The following SKIC3 variants were observed in gnomAD, a reference collection of about 807,000 sequenced individuals.
SKIC3 encodes the protein superkiller complex protein 3.
the SKIC3 span, among the ~76,000 whole-genome samples, chr5:95,479,036 A>G: frequency 3.3e-5 from 5 of 152,160 alleles, no homozygotes; most frequent in African/African-American, 9.7e-5. Flanking sequence ...AAACAAATCA[A>G]CAAAAAACCT....
chr5:95,466,100 G>A, the SKIC3 span, among the ~76,000 whole-genome samples: 1 of 152,228 alleles, frequency 6.6e-6, no homozygotes, highest in African/African-American at 2.4e-5. Context: ...TACTGAAAAA[G>A]CTTTTCAGTG....
the SKIC3 span, chr5:95,514,823 G>C: frequency 6.2e-7 from 1 of 1,601,226 alleles, no homozygotes. Context: ...ATATCAACAA[G>C]CTTATTAGTA....
chr5:95,498,568 GT>G, the SKIC3 span: 57 of 1,613,750 alleles, frequency 3.5e-5, no homozygotes, highest in Non-Finnish European at 4.7e-5. Context: ...AAGGCTTTCT[GT>G]GGTTGGTTCC....
the SKIC3 span, chr5:95,537,017 A>T: frequency 3.7e-6 from 6 of 1,606,450 alleles, no homozygotes; most frequent in Non-Finnish European, 5.1e-6. Flanking sequence ...TACAAGTCAC[A>T]TTAGAGATTT....
the SKIC3 span, among the ~76,000 whole-genome samples, chr5:95,510,683 C>T: frequency 6.6e-6 from 1 of 152,198 alleles, no homozygotes; most frequent in Non-Finnish European, 1.5e-5. Flanking sequence ...ACTGCCTGCC[C>T]ACCACCATCC....
chr5:95,549,687 G>C, the SKIC3 span, among the ~76,000 whole-genome samples: 1 of 151,734 alleles, frequency 6.6e-6, no homozygotes, highest in African/African-American at 2.4e-5. Context: ...AGTTTAATTT[G>C]TAAAAAGACA....
At chr5:95,464,773 A>C in the SKIC3 span, 1 of 981,796 alleles carries the variant, frequency 1.0e-6, no homozygotes, top group Non-Finnish European at 1.6e-6. Flanking sequence ...CAAGGGCGGC[A>C]GTCTTGAAAA....
chr5:95,469,019 C>T, the SKIC3 span, among the ~76,000 whole-genome samples: 1 of 152,116 alleles, frequency 6.6e-6, no homozygotes, highest in African/African-American at 2.4e-5. Flanking sequence ...TTCCACCATC[C>T]CTATTTTGTG....
At chr5:95,540,651 A>G in the SKIC3 span, 1 of 1,611,906 alleles carries the variant, frequency 6.2e-7, no homozygotes, top group Admixed American at 1.7e-5. Context: ...TAAATGATCA[A>G]TTTTCATGAA....
chr5:95,539,503 G>A, the SKIC3 span, among the ~76,000 whole-genome samples: 1 of 152,156 alleles, frequency 6.6e-6, no homozygotes, highest in Non-Finnish European at 1.5e-5. Flanking sequence ...TGGTGGGAGT[G>A]TAAACTAGTA....
chr5:95,551,558 C>T, the SKIC3 span, among the ~76,000 whole-genome samples: 2 of 152,140 alleles, frequency 1.3e-5, no homozygotes, highest in Non-Finnish European at 2.9e-5. Flanking sequence ...AAAAAAAGTA[C>T]AAACTTGACT....
the SKIC3 span, chr5:95,516,919 T>C: frequency 6.3e-7 from 1 of 1,596,400 alleles, no homozygotes; most frequent in East Asian, 2.3e-5. Context: ...ACCATACATG[T>C]AAAGATTTCT....
At chr5:95,474,661 C>T in the SKIC3 span, among the ~76,000 whole-genome samples, 1 of 152,158 alleles carries the variant, frequency 6.6e-6, no homozygotes, top group Non-Finnish European at 1.5e-5. Context: ...ATTTCTATGT[C>T]AACCTCTTTA....
chr5:95,535,129 A>T, the SKIC3 span, among the ~76,000 whole-genome samples: 1 of 152,036 alleles, frequency 6.6e-6, no homozygotes, highest in Non-Finnish European at 1.5e-5. Context: ...TCCACCTTCT[A>T]TACAATCTGT....
the SKIC3 span, among the ~76,000 whole-genome samples, chr5:95,505,599 G>C: frequency 6.6e-6 from 1 of 152,012 alleles, no homozygotes; most frequent in African/African-American, 2.4e-5. Flanking sequence ...GAATCACGAG[G>C]TCAGGAGTTC....
At chr5:95,469,761 AG>A in the SKIC3 span, 1 of 1,613,578 alleles carries the variant, frequency 6.2e-7, no homozygotes, top group African/African-American at 1.3e-5. Context: ...TATAAGAAAA[AG>A]ATGAAGATTC....
chr5:95,500,221 G>C, the SKIC3 span, among the ~76,000 whole-genome samples: 1 of 152,118 alleles, frequency 6.6e-6, no homozygotes, highest in Non-Finnish European at 1.5e-5. Flanking sequence ...TCACAAGTTA[G>C]AACTGAGTAT....
At chr5:95,525,757 GA>G in the SKIC3 span, 2 of 1,255,722 alleles carry the variant, frequency 1.6e-6, no homozygotes, top group South Asian at 1.2e-5. Flanking sequence ...AACGAACACA[GA>G]AAAGCATGGT....
At chr5:95,497,591 A>C in the SKIC3 span, 1 of 841,120 alleles carries the variant, frequency 1.2e-6, no homozygotes, top group Admixed American at 2.4e-5. Flanking sequence ...TTAATATCTA[A>C]AACAAGTTCA....
Sources: gnomAD v4.1 joint callset for allele counts (sites outside exome capture counted in the v4.1 genomes callset) on GRCh38, gnomAD v4.1.1 for gene constraint, MANE v1.5 for transcripts, NCBI Gene and HGNC (gene_info 2026-07-23, HGNC 2026-07-21) for gene names.